CNKSR2: variants seen among roughly 807,000 people sequenced by gnomAD.
The protein encoded by CNKSR2 is connector enhancer of kinase suppressor of Ras 2.
CNKSR2 carries 14 observed loss-of-function variants against 84.4 expected under a neutral mutation model. The observed-to-expected ratio is 0.17, with a 90% CI of 0.11 to 0.26. CNKSR2 has a LOEUF of 0.26. CNKSR2 is among the 10% of genes least tolerant of loss of function. CNKSR2 has a pLI of 1.00. For synonymous variants in CNKSR2, 275 were observed against 277.9 expected (o/e 0.99, Z 0.10); for missense variants, 485 against 771.2 (o/e 0.63, Z 4.40).
At chrX:21,563,741 A>G (rs2031587868) in intron 13 of CNKSR2, among the ~76,000 whole-genome samples, 1 of 111,907 alleles carries the variant, frequency 8.9e-6, no homozygotes, top group African/African-American at 3.2e-5. Context: ...GTGTGATACT[A>G]TGCAATGCAC....
At chrX:21,375,052 C>G (rs1030295426) in intron 1 of CNKSR2, 91 bp downstream of exon 1, 100 of 768,329 alleles carry the variant, frequency 1.3e-4, no homozygotes, top group Middle Eastern at 3.2e-4. Flanking sequence ...CCAGAGCCCG[C>G]CACCGCGGCT....
Position 21,374,810 on chromosome X carries a change from G to A in CNKSR2, c.-88G>A. On this transcript the variant is annotated 5_prime_UTR_variant, in exon 1 of 22. Coordinates refer to ENST00000379510, the MANE Select transcript of CNKSR2 (RefSeq NM_014927.5). ...CGCCCGCCCAGGGAGGCTGCGGCCA[G>A]CAAGGGACCCCACCTGAGAGCAGCT... 1 of 849,282 alleles carries A rather than the reference G, an allele frequency of 1.2e-6. No individual in the cohort carries two copies. The highest frequency in any genetic ancestry group is 1.8e-6 in the Non-Finnish European group (1 of 566,435). The allele number at this position is 849,282 out of a possible 1,213,427, so 70.0% of individuals were successfully genotyped here.
chrX:21,562,271 C>T (rs919360001), intron 12 of CNKSR2, among the ~76,000 whole-genome samples: 19 of 110,417 alleles, frequency 1.7e-4, no homozygotes, highest in African/African-American at 4.9e-4. Context: ...AGTAGAGAGC[C>T]GTAAGGTCGT....
chrX:21,595,589 T>A (rs2092446930), intron 17 of CNKSR2, among the ~76,000 whole-genome samples, 194 bp downstream of exon 17: 1 of 111,216 alleles, frequency 9.0e-6, no homozygotes, highest in South Asian at 3.8e-4. Flanking sequence ...ACTCGTTAAA[T>A]ATTTTTGTCA....
intron 1 of CNKSR2, among the ~76,000 whole-genome samples, chrX:21,385,960 T>C (rs2089963181): frequency 9.6e-6 from 1 of 104,313 alleles, no homozygotes; most frequent in Admixed American, 1.0e-4. Context: ...TGACAGCTTT[T>C]GTATTTTGAA....
At chrX:21,558,577 A>G (rs1276227130) in intron 11 of CNKSR2, among the ~76,000 whole-genome samples, 1 of 109,603 alleles carries the variant, frequency 9.1e-6, no homozygotes, top group Non-Finnish European at 1.9e-5. Flanking sequence ...ACCCCCGGAA[A>G]AGTCAGTGTT....
At chrX:21,633,012 C>A (rs2092654978) in intron 20 of CNKSR2, among the ~76,000 whole-genome samples, 1 of 111,456 alleles carries the variant, frequency 9.0e-6, no homozygotes, top group Admixed American at 9.6e-5. Flanking sequence ...CACACACACA[C>A]ACACACACAC....
chrX:21,436,735 A>G (rs1851148991), intron 3 of CNKSR2, among the ~76,000 whole-genome samples: 1 of 110,966 alleles, frequency 9.0e-6, no homozygotes, highest in South Asian at 3.8e-4. Flanking sequence ...GTGTATGTGC[A>G]TGCATGCTGA....
intron 18 of CNKSR2, among the ~76,000 whole-genome samples, chrX:21,603,390 G>A (rs747855765): frequency 1.8e-5 from 2 of 111,925 alleles, no homozygotes; most frequent in African/African-American, 6.5e-5. Flanking sequence ...AGAGTTATTT[G>A]AGTAGAGTTA....
intron 4 of CNKSR2, among the ~76,000 whole-genome samples, chrX:21,445,244 A>G (rs982742145): frequency 2.7e-5 from 3 of 111,461 alleles, no homozygotes; most frequent in African/African-American, 9.7e-5. Flanking sequence ...TTAAAACAAT[A>G]TGGATTATAT....
chrX:21,603,213 C>T (rs757833518), intron 18 of CNKSR2, among the ~76,000 whole-genome samples: 6 of 112,309 alleles, frequency 5.3e-5, no homozygotes, highest in African/African-American at 1.6e-4. Context: ...TAATGCAATA[C>T]AACCAGAATC....
chrX:21,607,133 A>G (rs990407682), intron 19 of CNKSR2, among the ~76,000 whole-genome samples: 3 of 111,961 alleles, frequency 2.7e-5, no homozygotes, highest in African/African-American at 6.5e-5. Context: ...TACTGTTTGT[A>G]TGAAGGTAGC....
chrX:21,598,026 T>TAC lies in CNKSR2; in HGVS notation c.1976+2647_1976+2648dup, dbSNP rs767891432. Reference sequence around the variant, plus strand: ...TCATACACATATATATATATATATATACACACACACACACACAACAAATAT... The same window carrying TAC: ...TCATACACATATATATATATATATATACACACACACACACACACAACAAATAT... On this transcript the variant is annotated intron_variant, in intron 17 of 21. Coordinates refer to ENST00000379510, the MANE Select transcript of CNKSR2 (RefSeq NM_014927.5). Among the ~76,000 whole-genome samples the TAC allele has an allele frequency of 3.3e-3, 341 of 103,737 alleles. 1 individual carries two copies. Among genetic ancestry groups the TAC allele is most frequent in the Middle Eastern group, 5.0e-3 (1 of 202 alleles). 90.1% of individuals were successfully genotyped at this position (103,737 alleles called of 115,157 possible).
chrX:21,439,703 G>A (rs1470680616), intron 3 of CNKSR2, among the ~76,000 whole-genome samples: 5 of 110,069 alleles, frequency 4.5e-5, no homozygotes, highest in African/African-American at 9.9e-5. Context: ...CTTGAGAAAC[G>A]GTACTAAAAC....
At chrX:21,558,488 G>T (rs996324553) in intron 11 of CNKSR2, among the ~76,000 whole-genome samples, 4 of 108,521 alleles carry the variant, frequency 3.7e-5, no homozygotes, top group South Asian at 3.9e-4. Context: ...TTTTCTTTCG[G>T]TTTTTTTCTA....
intron 1 of CNKSR2, among the ~76,000 whole-genome samples, chrX:21,402,216 C>G (rs752506522): frequency 9.0e-6 from 1 of 111,079 alleles, no homozygotes; most frequent in South Asian, 3.8e-4. Context: ...TATATTGTGT[C>G]ATTGGATAAG....
At chrX:21,651,751 G>A (rs1443045094) in intron 21 of CNKSR2, among the ~76,000 whole-genome samples, 1 of 111,594 alleles carries the variant, frequency 9.0e-6, no homozygotes, top group East Asian at 2.8e-4. Flanking sequence ...ATGGAAGGGA[G>A]AGCCATTCTC....
intron 8 of CNKSR2, among the ~76,000 whole-genome samples, chrX:21,510,357 T>TAA (rs11435494): frequency 8.3e-5 from 9 of 108,929 alleles, no homozygotes; most frequent in African/African-American, 3.0e-4. Flanking sequence ...TGAAAAAAGG[T>TAA]AAAAAAAAAG....
At chrX:21,604,322 G>A (rs994483000) in intron 18 of CNKSR2, among the ~76,000 whole-genome samples, 1 of 110,599 alleles carries the variant, frequency 9.0e-6, no homozygotes, top group Non-Finnish European at 1.9e-5. Flanking sequence ...GCTGTGGAGT[G>A]GGGGGAGGGG....
Sources: allele counts gnomAD v4.1 joint callset (sites outside exome capture counted in the v4.1 genomes callset), GRCh38; gene constraint gnomAD v4.1.1; transcripts MANE v1.5; gene names NCBI Gene and HGNC (gene_info 2026-07-23, HGNC 2026-07-21).